ARHGEF26: variants seen among roughly 807,000 people sequenced by gnomAD.
ARHGEF26 encodes Rho guanine nucleotide exchange factor 26.
In ARHGEF26, 59 loss-of-function variants were observed where a neutral mutation model predicts 89.4. The observed-to-expected ratio is 0.66, with a 90% CI of 0.54 to 0.82. ARHGEF26 has a LOEUF of 0.82. Ranked by LOEUF, ARHGEF26 falls within the 40% of genes least tolerant of loss-of-function variation. The probability of loss-of-function intolerance (pLI) is 0.00; values close to 1 mark genes in which losing one functional copy is unlikely to be tolerated. For missense variants in ARHGEF26, 1,234 were observed against 1,085.6 expected (o/e 1.14, Z -1.92); for synonymous variants, 500 against 428.4 (o/e 1.17, Z -2.06).
chr3:154,142,720 C>T (rs976922195), intron 4 of ARHGEF26, among the ~76,000 whole-genome samples: 6 of 152,186 alleles, frequency 3.9e-5, no homozygotes, highest in Non-Finnish European at 7.3e-5. Context: ...TTTTCTTCCG[C>T]AAGAGAGGAA....
chr3:154,193,783 A>G (rs1490385570), intron 8 of ARHGEF26, among the ~76,000 whole-genome samples: 1 of 152,118 alleles, frequency 6.6e-6, no homozygotes, highest in Non-Finnish European at 1.5e-5. Context: ...GAAATTTCTC[A>G]GTATAAATAT....
intron 11 of ARHGEF26, among the ~76,000 whole-genome samples, chr3:154,237,225 G>T (rs1717172520): frequency 6.6e-6 from 1 of 152,166 alleles, no homozygotes; most frequent in Non-Finnish European, 1.5e-5. Flanking sequence ...ATCCCCCAAA[G>T]ACAAGAAATT....
chr3:154,170,927 A>G (rs1263467224), intron 6 of ARHGEF26, among the ~76,000 whole-genome samples: 1 of 152,196 alleles, frequency 6.6e-6, no homozygotes, highest in Non-Finnish European at 1.5e-5. Flanking sequence ...TATTTCTGTA[A>G]ATACCTGTTG....
At chr3:154,141,356 A>T (rs1431960704) in intron 4 of ARHGEF26, among the ~76,000 whole-genome samples, 1 of 152,174 alleles carries the variant, frequency 6.6e-6, no homozygotes, top group African/African-American at 2.4e-5. Context: ...AAAGAGAATT[A>T]TATTGGCTCA....
chr3:154,159,060 A>C (rs938219950), intron 6 of ARHGEF26, among the ~76,000 whole-genome samples: 1 of 152,136 alleles, frequency 6.6e-6, no homozygotes, highest in Non-Finnish European at 1.5e-5. Flanking sequence ...CTAAGGTCTA[A>C]ATAAGGTCTT....
rs1005396590 is a variant in ARHGEF26, at chr3:154,256,585, A to G, written c.*1112A>G. Reference sequence around the variant, plus strand: ...AAAAAAAAAAAAAAAACCTTCCCAAATGAGCTGATAAAAAACTGACGTGAG... The same window carrying G: ...AAAAAAAAAAAAAAAACCTTCCCAAGTGAGCTGATAAAAAACTGACGTGAG... On this transcript the variant is annotated 3_prime_UTR_variant, in exon 15 of 15. Transcript: ENST00000465093. 1 of 1,035,364 alleles carries G rather than the reference A, an allele frequency of 9.7e-7. No individual in the cohort carries two copies. 64.1% of individuals were successfully genotyped at this position (1,035,364 alleles called of 1,614,324 possible).
At chr3:154,217,483 G>T (rs1042834879) in intron 9 of ARHGEF26, among the ~76,000 whole-genome samples, 11 of 152,034 alleles carry the variant, frequency 7.2e-5, no homozygotes, top group African/African-American at 2.7e-4. Flanking sequence ...CATTTTGTAG[G>T]TTGCCTGTTC....
chr3:154,189,334 AT>A (rs35633646), intron 7 of ARHGEF26, among the ~76,000 whole-genome samples: 10,540 of 112,062 alleles, frequency 0.094, 240 homozygotes, highest in Middle Eastern at 0.14. Context: ...AGTTGATGTG[AT>A]TTTTTTTTTT....
intron 10 of ARHGEF26, among the ~76,000 whole-genome samples, chr3:154,220,175 G>A (rs1716037478): frequency 6.6e-6 from 1 of 152,128 alleles, no homozygotes; most frequent in Non-Finnish European, 1.5e-5. Context: ...ATAAAATAGA[G>A]GTTCAATGAG....
chr3:154,218,211 G>T (rs1715902390), intron 10 of ARHGEF26, among the ~76,000 whole-genome samples: 1 of 152,000 alleles, frequency 6.6e-6, no homozygotes, highest in African/African-American at 2.4e-5. Context: ...AAGCTTAGGG[G>T]AATAAATAAA....
At position 154,187,179 on chromosome 3, in the gene ARHGEF26, C is replaced by G. The variant is rs149327053; in HGVS notation, c.1488-506C>G. The G allele has an allele frequency of 4.4e-4, 435 of 981,592 alleles. No individual in the cohort carries two copies. The African/African-American group carries it at 6.7e-3, about 15-fold the overall frequency. The allele number at this position is 981,592 out of a possible 1,614,324, so 60.8% of individuals were successfully genotyped here. On this transcript the variant is annotated intron_variant, in intron 6 of 14. Transcript: ENST00000465093. ...TGCTGGGATTACACATGTGAGCCACCACACCTCCTGGCCTCAGACTTATTT... is the reference window on the plus strand; with the variant it reads ...TGCTGGGATTACACATGTGAGCCACGACACCTCCTGGCCTCAGACTTATTT...
chr3:154,211,744 C>T (rs1369832636), intron 9 of ARHGEF26, among the ~76,000 whole-genome samples: 1 of 151,810 alleles, frequency 6.6e-6, no homozygotes. Context: ...GGCCTTGGGC[C>T]AATATATATA....
At chr3:154,251,778 A>C (rs545286885) in intron 12 of ARHGEF26, among the ~76,000 whole-genome samples, 12 of 152,308 alleles carry the variant, frequency 7.9e-5, no homozygotes, top group South Asian at 6.2e-4. Flanking sequence ...AGTACAAAAG[A>C]AGCATGGTAA....
intron 6 of ARHGEF26, chr3:154,187,111 C>A: frequency 3.0e-6 from 1 of 334,088 alleles, no homozygotes; most frequent in Non-Finnish European, 4.3e-6. Flanking sequence ...AGGATGGTCT[C>A]GATCCCTTCA....
intron 4 of ARHGEF26, among the ~76,000 whole-genome samples, chr3:154,147,882 CTCT>C (rs901635030): frequency 4.1e-4 from 63 of 152,040 alleles, no homozygotes; most frequent in African/African-American, 1.5e-3. Context: ...CCCTGATTGT[CTCT>C]TCTTTGCTCT....
Position 154,178,879 on chromosome 3 carries a change from C to T in ARHGEF26, c.1488-8806C>T, listed in dbSNP as rs1014351024. ...CACCTCAGTTCAGCTTTTTCCAGCC[C>T]TACACCCTGCCCTTCACCCTGCTCC... On this transcript the variant is annotated intron_variant, in intron 6 of 14. Transcript: ENST00000465093. 3.1e-4 allele frequency among the ~76,000 whole-genome samples: 47 copies of T among 152,252 alleles called. 1 individual carries two copies. The highest frequency in any genetic ancestry group is 1.1e-3 in the African/African-American group (46 of 41,544).
chr3:154,220,948 A>G (rs898968067), intron 10 of ARHGEF26, among the ~76,000 whole-genome samples: 1 of 152,200 alleles, frequency 6.6e-6, no homozygotes, highest in Admixed American at 6.5e-5. Context: ...TCCCCGATGT[A>G]TAAAATCAAA....
chr3:154,234,931 A>G (rs551211024), intron 11 of ARHGEF26, among the ~76,000 whole-genome samples: 322 of 152,064 alleles, frequency 2.1e-3, no homozygotes, highest in African/African-American at 6.4e-3. Flanking sequence ...GCGCCCGGCT[A>G]ATTTTTTGTA....
At chr3:154,207,488 CAT>C (rs968977438) in intron 9 of ARHGEF26, among the ~76,000 whole-genome samples, 28 of 151,962 alleles carry the variant, frequency 1.8e-4, no homozygotes, top group African/African-American at 6.3e-4. Context: ...AGCCAACAAA[CAT>C]ATAAAAAAAA....
Sources: allele counts gnomAD v4.1 joint callset (sites outside exome capture counted in the v4.1 genomes callset), GRCh38; gene constraint gnomAD v4.1.1; transcripts MANE v1.5; gene names NCBI Gene and HGNC (gene_info 2026-07-23, HGNC 2026-07-21).